Variants in IGFBP7 observed in about 807,000 individuals in gnomAD.
IGFBP7 encodes insulin like growth factor binding protein 7.
A neutral mutation model predicts 29.4 loss-of-function variants in IGFBP7; 31 were observed. That is an observed-to-expected ratio of 1.05 (90% CI 0.79 to 1.42). The LOEUF is 1.42. Ranked by LOEUF, IGFBP7 falls within the 40% of genes most tolerant of loss-of-function variation. The pLI is 0.00. For synonymous variants in IGFBP7, 172 were observed against 174.9 expected, an observed-to-expected ratio of 0.98 and a Z score of 0.13; for missense variants, 393 against 395.5, an observed-to-expected ratio of 0.99 and a Z score of 0.05.
chr4:57,098,711 A>G (rs1473975062), intron 1 of IGFBP7, among the ~76,000 whole-genome samples: 1 of 152,106 alleles, frequency 6.6e-6, no homozygotes, highest in Non-Finnish European at 1.5e-5. Flanking sequence ...TGGGACTCTC[A>G]TCTCCCCTTC....
chr4:57,101,209 G>A (rs1327488969), intron 1 of IGFBP7, among the ~76,000 whole-genome samples: 1 of 152,196 alleles, frequency 6.6e-6, no homozygotes, highest in Non-Finnish European at 1.5e-5. Flanking sequence ...CTGAAGTTTT[G>A]AGGGGGTTGT....
chr4:57,108,305 A>T (rs6824233), intron 1 of IGFBP7, among the ~76,000 whole-genome samples: 47,622 of 152,000 alleles, frequency 0.31, 7,749 homozygotes, highest in Middle Eastern at 0.37. Context: ...CTAAAGAAAG[A>T]ATTTGGAAAT....
rs1578611987 is a variant in IGFBP7 at position 57,044,840 on chromosome 4, GA to G, written c.476-3908del. ...CCCCCCAATCATCTTACTATTCCAA[GA>G]AGCAGAACACTCTAGGACAAGTAAG... On this transcript the variant is annotated intron_variant, in intron 1 of 4. Coordinates refer to ENST00000295666, the MANE Select transcript of IGFBP7 (RefSeq NM_001553.3). 2.0e-5 allele frequency among the ~76,000 whole-genome samples: 3 copies of G among 152,268 alleles called. No individual in the cohort carries two copies. In the East Asian group the frequency reaches 5.8e-4, roughly 29 times the overall value.
chr4:57,102,486 T>C (rs1725923084), intron 1 of IGFBP7, among the ~76,000 whole-genome samples: 1 of 152,162 alleles, frequency 6.6e-6, no homozygotes, highest in Non-Finnish European at 1.5e-5. Flanking sequence ...GGTATCCTAT[T>C]CAATAGTTTT....
intron 2 of IGFBP7, among the ~76,000 whole-genome samples, chr4:57,039,081 A>C (rs76363291): frequency 1.5e-5 from 2 of 132,156 alleles, no homozygotes; most frequent in African/African-American, 2.7e-5. Context: ...AAAAAAAAAA[A>C]AAAAAAAGAC....
intron 2 of IGFBP7, among the ~76,000 whole-genome samples, chr4:57,039,365 C>G (rs761203291): frequency 2.0e-5 from 3 of 152,122 alleles, no homozygotes; most frequent in Non-Finnish European, 4.4e-5. Flanking sequence ...AGAGTTGAGG[C>G]TAACAGCAGT....
chr4:57,041,335 C>A (rs73818831), intron 1 of IGFBP7, among the ~76,000 whole-genome samples: 7,566 of 152,030 alleles, frequency 0.05, 244 homozygotes, highest in East Asian at 0.15. Flanking sequence ...AGGCAACAAG[C>A]AACCGCTCCA....
At chr4:57,078,024 A>T (rs1725270196) in intron 1 of IGFBP7, among the ~76,000 whole-genome samples, 1 of 152,164 alleles carries the variant, frequency 6.6e-6, no homozygotes, top group South Asian at 2.1e-4. Flanking sequence ...GGGGAGCTGG[A>T]CCGGATGACT....
At chr4:57,084,845 T>C (rs73242639) in intron 1 of IGFBP7, among the ~76,000 whole-genome samples, 15,809 of 146,320 alleles carry the variant, frequency 0.11, 1,095 homozygotes, top group Non-Finnish European at 0.14. Flanking sequence ...GGCTGGATTA[T>C]AGTCATGTGA....
intron 1 of IGFBP7, among the ~76,000 whole-genome samples, chr4:57,094,706 G>A (rs1012516181): frequency 1.3e-5 from 2 of 152,188 alleles, no homozygotes; most frequent in Non-Finnish European, 2.9e-5. Flanking sequence ...TAAAGGAAGC[G>A]TCACCCACAC....
chr4:57,050,002 T>A (rs1724463835), intron 1 of IGFBP7, among the ~76,000 whole-genome samples: 2 of 152,200 alleles, frequency 1.3e-5, no homozygotes, highest in Non-Finnish European at 2.9e-5. Flanking sequence ...TTTTCTTTAA[T>A]CTTTCACTTG....
intron 1 of IGFBP7, among the ~76,000 whole-genome samples, chr4:57,046,540 A>G (rs1724366471): frequency 6.6e-6 from 1 of 152,168 alleles, no homozygotes; most frequent in Non-Finnish European, 1.5e-5. Context: ...GGTAATAACA[A>G]CATTATCATC....
At chr4:57,054,959 A>G (rs1240453992) in intron 1 of IGFBP7, among the ~76,000 whole-genome samples, 3 of 152,176 alleles carry the variant, frequency 2.0e-5, no homozygotes, top group Non-Finnish European at 4.4e-5. Context: ...CTGCCCAAGG[A>G]AAAGATTCAC....
chr4:57,039,386 C>T (rs1724163816), intron 2 of IGFBP7, among the ~76,000 whole-genome samples: 1 of 152,072 alleles, frequency 6.6e-6, no homozygotes, highest in Non-Finnish European at 1.5e-5. Context: ...GGTTTTCAGT[C>T]CAGGGCAATT....
At chr4:57,033,169 T>G in intron 3 of IGFBP7, 26 bp downstream of exon 3, 1 of 1,467,536 alleles carries the variant, frequency 6.8e-7, no homozygotes, top group Non-Finnish European at 9.6e-7. Context: ...ATGAAACTCT[T>G]GCCAGCTCTT....
Position 57,109,967 on chromosome 4 carries a change from T to G in IGFBP7, c.385A>C (p.Ser129Arg). 1.3e-6 allele frequency: 2 copies of G among 1,548,670 alleles called. No homozygotes were observed. Among genetic ancestry groups the G allele is most frequent in the Non-Finnish European group, 1.7e-6 (2 of 1,153,228 alleles). The change falls in exon 1 of 5, where the codon AGC (serine) becomes CGC (arginine). Residue 129 changes from serine (S) to arginine (R), a missense_variant. Ser to Arg is a moderately radical substitution (Grantham distance 110). Transcript: ENST00000295666. ...VCGSDGTTYP[S>R]GCQLRAASQR... ...CTGGCGGCGCGCAGCTGGCAGCCGC[T>G]CGGGTAGGTGGTGCCGTCGCTGCCG...
chr4:57,036,840 G>A (rs963372204), intron 2 of IGFBP7, among the ~76,000 whole-genome samples: 49 of 152,328 alleles, frequency 3.2e-4, no homozygotes, highest in South Asian at 6.2e-4. Flanking sequence ...TTTTACAAGT[G>A]AGGATTCTAA....
rs1258152266 is a variant in IGFBP7 at position 57,109,911 on chromosome 4, G to T, written c.441C>A (p.Ala147=). Residue 147 remains alanine (A), a synonymous_variant, in exon 1 of 5, where the codon GCC becomes GCA. Transcript: ENST00000295666. ...SQRAESRGEK[A]ITQVSKGTCE... is the part of the protein sequence containing the mutation. ...AGGTGCCCTTGCTGACCTGGGTGAT[G>T]GCCTTCTCCCCGCGGCTCTCGGCCC... is the stretch of plus-strand genomic sequence containing the variant. The T allele has an allele frequency of 1.3e-6, 2 of 1,557,156 alleles. No homozygotes were observed. The highest frequency in any genetic ancestry group is 1.7e-6 in the Non-Finnish European group (2 of 1,157,900).
At chr4:57,103,727 T>C (rs1725957725) in intron 1 of IGFBP7, among the ~76,000 whole-genome samples, 1 of 143,824 alleles carries the variant, frequency 7.0e-6, no homozygotes, top group Non-Finnish European at 1.5e-5. Flanking sequence ...GGTATGATCA[T>C]GGCTCACTGC....
Sources: gnomAD v4.1 joint callset for allele counts (sites outside exome capture counted in the v4.1 genomes callset) on GRCh38, gnomAD v4.1.1 for gene constraint, MANE v1.5 for transcripts, NCBI Gene and HGNC (gene_info 2026-07-23, HGNC 2026-07-21) for gene names.